SLC4A4: variants seen among roughly 807,000 people sequenced by gnomAD.
The protein encoded by SLC4A4 is electrogenic sodium bicarbonate cotransporter 1.
In SLC4A4, 27 loss-of-function variants were observed where a neutral mutation model predicts 111.5. The observed-to-expected ratio is 0.24, with a 90% CI of 0.18 to 0.33. The LOEUF is 0.33. SLC4A4 is among the 10% of genes least tolerant of loss of function. The pLI, the probability that SLC4A4 is intolerant of heterozygous loss-of-function variation, is 1.00. For missense variants in SLC4A4, 909 were observed against 1,315.5 expected (o/e 0.69, Z 4.78); for synonymous variants, 443 against 463.4 (o/e 0.96, Z 0.57).
intron 3 of SLC4A4, among the ~76,000 whole-genome samples, chr4:71,274,076 G>A (rs559611883): frequency 6.6e-5 from 10 of 152,228 alleles, no homozygotes; most frequent in Admixed American, 4.6e-4. Flanking sequence ...ATAGCCTACT[G>A]TTGACCAATA....
chr4:71,423,216 C>A lies in SLC4A4; in HGVS notation c.808-17400C>A, dbSNP rs547442617. Among the ~76,000 whole-genome samples, 21 of 152,320 alleles carry A rather than the reference C, an allele frequency of 1.4e-4. No homozygotes were observed. In the East Asian group the frequency reaches 4.1e-3, roughly 29 times the overall value. ...ATAACAGACAAACAGAGAGCCAAAT[C>A]ATGAGTGAACTCCCATTAACAATTG... On this transcript the variant is annotated intron_variant, in intron 7 of 25. Transcript: ENST00000264485.
At chr4:71,420,417 A>G (rs1005052973) in intron 7 of SLC4A4, among the ~76,000 whole-genome samples, 5 of 152,188 alleles carry the variant, frequency 3.3e-5, no homozygotes, top group Admixed American at 1.3e-4. Context: ...ACTCTGCAGG[A>G]TATTATCCAG....
Position 71,147,671 on chromosome 4 carries a change from C to T in SLC4A4, c.-2+54879C>T, listed in dbSNP as rs573495246. 2.5e-4 allele frequency among the ~76,000 whole-genome samples: 38 copies of T among 152,198 alleles called. No individual in the cohort carries two copies. In the South Asian group the frequency reaches 7.3e-3, roughly 29 times the overall value. ...TAATTTATAGCATTGTGACATGGAA[C>T]ATCACATTTCAGAACACAGAATTAA... On this transcript the variant is annotated intron_variant, in intron 2 of 26. Coordinates refer to the SLC4A4 transcript ENST00000649996.
At chr4:71,114,113 G>T (rs1387857392) in intron 2 of SLC4A4, among the ~76,000 whole-genome samples, 2 of 152,178 alleles carry the variant, frequency 1.3e-5, no homozygotes, top group Admixed American at 6.5e-5. Flanking sequence ...CGGGCGTGGT[G>T]GCAGGCGCCT....
intron 15 of SLC4A4, among the ~76,000 whole-genome samples, chr4:71,491,297 C>G (rs1284047083): frequency 6.6e-6 from 1 of 151,838 alleles, no homozygotes; most frequent in Non-Finnish European, 1.5e-5. Flanking sequence ...TGGTATCACT[C>G]TCATTTATAT....
rs187038630 is a variant in SLC4A4 at position 71,069,834 on chromosome 4, C to T, written c.-65+7046C>T. On this transcript the variant is annotated intron_variant, in intron 1 of 26. Transcript: ENST00000649996. ...TCCCACACAATGATTTGTTTCTGAA[C>T]GCTTCTCTTTTTCTAAAAGTACAGC... Among the ~76,000 whole-genome samples the T allele has an allele frequency of 7.2e-5, 11 of 152,228 alleles. No individual in the cohort carries two copies. The East Asian group carries it at 9.6e-4, about 13-fold the overall frequency.
intron 5 of SLC4A4, among the ~76,000 whole-genome samples, chr4:71,352,798 G>A (rs1729960986): frequency 6.6e-6 from 1 of 152,200 alleles, no homozygotes; most frequent in African/African-American, 2.4e-5. Context: ...AAATGAGTCA[G>A]ATAGAGAGAC....
At chr4:71,510,422 G>A (rs1221661670) in intron 16 of SLC4A4, among the ~76,000 whole-genome samples, 1 of 151,926 alleles carries the variant, frequency 6.6e-6, no homozygotes, top group Non-Finnish European at 1.5e-5. Context: ...AATTCTAGTC[G>A]GCCATCTTAA....
At chr4:71,365,360 T>G (rs560019983) in intron 6 of SLC4A4, among the ~76,000 whole-genome samples, 87 of 152,278 alleles carry the variant, frequency 5.7e-4, no homozygotes, top group African/African-American at 2.0e-3. Context: ...CTTGCAAAGT[T>G]TTTTGTATTC....
At chr4:71,074,999 C>T (rs1000173443) in intron 1 of SLC4A4, among the ~76,000 whole-genome samples, 2 of 152,020 alleles carry the variant, frequency 1.3e-5, no homozygotes, top group African/African-American at 4.8e-5. Context: ...ACCTGGAGGA[C>T]ATATAACAAG....
intron 7 of SLC4A4, among the ~76,000 whole-genome samples, chr4:71,422,762 A>G (rs1457798261): frequency 6.6e-6 from 1 of 152,168 alleles, no homozygotes; most frequent in Non-Finnish European, 1.5e-5. Context: ...ATAGATGCAG[A>G]AAAGGCCTTT....
At chr4:71,457,649 C>T (rs1726406782) in intron 12 of SLC4A4, among the ~76,000 whole-genome samples, 1 of 152,058 alleles carries the variant, frequency 6.6e-6, no homozygotes, top group Non-Finnish European at 1.5e-5. Flanking sequence ...CTCTGGTCTC[C>T]TTGCCATATT....
chr4:71,196,131 C>A (rs1257521280), intron 1 of SLC4A4, among the ~76,000 whole-genome samples: 1 of 152,188 alleles, frequency 6.6e-6, no homozygotes, highest in Non-Finnish European at 1.5e-5. Flanking sequence ...AGTTGAACTG[C>A]TTCACAAATT....
chr4:71,201,344 CTG>C (rs1265116696), intron 1 of SLC4A4, among the ~76,000 whole-genome samples: 1 of 152,180 alleles, frequency 6.6e-6, no homozygotes, highest in Non-Finnish European at 1.5e-5. Context: ...TGGGCTGCCT[CTG>C]GAGAGGGGTG....
At chr4:71,504,110 G>A (rs1693951051) in intron 16 of SLC4A4, among the ~76,000 whole-genome samples, 2 of 152,124 alleles carry the variant, frequency 1.3e-5, no homozygotes, top group Admixed American at 1.3e-4. Flanking sequence ...GCTTTTGACA[G>A]TTTGAGTATT....
Position 71,270,922 on chromosome 4 carries a change from C to T in SLC4A4, c.253+15523C>T, listed in dbSNP as rs140173881. Among the ~76,000 whole-genome samples the T allele has an allele frequency of 4.7e-3, 711 of 152,272 alleles. 1 individual carries two copies. Among genetic ancestry groups the T allele is most frequent in the Non-Finnish European group, 6.8e-3 (463 of 68,016 alleles). On this transcript the variant is annotated intron_variant, in intron 3 of 25. Transcript: ENST00000264485. Reference sequence around the variant, plus strand: ...CAAAAGAACAAATTAGCTTGAGATACTTACTGAATTTGGATTGCCCCTTGA... The same window carrying T: ...CAAAAGAACAAATTAGCTTGAGATATTTACTGAATTTGGATTGCCCCTTGA...
intron 3 of SLC4A4, among the ~76,000 whole-genome samples, chr4:71,285,283 C>A (rs1723827756): frequency 6.6e-6 from 1 of 152,102 alleles, no homozygotes; most frequent in Admixed American, 6.5e-5. Context: ...ATAACAAGTT[C>A]TTTGTGAACC....
chr4:71,150,321 T>C (rs2148971541), intron 2 of SLC4A4, among the ~76,000 whole-genome samples: 1 of 152,138 alleles, frequency 6.6e-6, no homozygotes, highest in Middle Eastern at 3.4e-3. Flanking sequence ...CCAAGAGCCA[T>C]ATGTTAAGAT....
At chr4:71,318,065 T>C (rs915217925) in intron 3 of SLC4A4, among the ~76,000 whole-genome samples, 4 of 151,082 alleles carry the variant, frequency 2.6e-5, no homozygotes, top group African/African-American at 9.7e-5. Flanking sequence ...TTTGAAGAGG[T>C]CTTGCAAGTG....
Sources: gnomAD v4.1 joint callset for allele counts (sites outside exome capture counted in the v4.1 genomes callset) on GRCh38, gnomAD v4.1.1 for gene constraint, MANE v1.5 for transcripts, NCBI Gene and HGNC (gene_info 2026-07-23, HGNC 2026-07-21) for gene names.